SMAP1: variants seen among roughly 807,000 people sequenced by gnomAD.
SMAP1 encodes the protein stromal membrane-associated protein 1.
SMAP1 carries 24 observed loss-of-function variants against 58.5 expected under a neutral mutation model. The observed-to-expected ratio is 0.41, with a 90% CI of 0.30 to 0.58. The LOEUF (loss-of-function observed/expected upper bound fraction) is 0.58. SMAP1 is among the 20% of genes least tolerant of loss of function. SMAP1 has a pLI of 0.29. For synonymous variants in SMAP1, 216 were observed against 196.6 expected, an observed-to-expected ratio of 1.10 and a Z score of -0.82; for missense variants, 563 against 566.3, an observed-to-expected ratio of 0.99 and a Z score of 0.06.
At chr6:70,681,937 A>T (rs1766727437) in intron 1 of SMAP1, among the ~76,000 whole-genome samples, 1 of 152,156 alleles carries the variant, frequency 6.6e-6, no homozygotes, top group South Asian at 2.1e-4. Flanking sequence ...GTTCTCTAAG[A>T]AGCAAGTGTG....
At chr6:70,717,492 G>A (rs948261199) in intron 1 of SMAP1, among the ~76,000 whole-genome samples, 3 of 152,202 alleles carry the variant, frequency 2.0e-5, no homozygotes, top group African/African-American at 7.2e-5. Context: ...GTTTGGCACA[G>A]TGCACAGGGA....
intron 10 of SMAP1, 86 bp downstream of exon 10, chr6:70,858,315 T>TC: frequency 1.2e-6 from 1 of 802,196 alleles, no homozygotes; most frequent in Non-Finnish European, 1.8e-6. Flanking sequence ...TTTTTTTTTT[T>TC]AAGTCTAGTG....
intron 1 of SMAP1, among the ~76,000 whole-genome samples, chr6:70,700,132 T>C (rs1417090553): frequency 6.6e-6 from 1 of 152,078 alleles, no homozygotes; most frequent in African/African-American, 2.4e-5. Flanking sequence ...TGAGATATGA[T>C]TATTTAAAAG....
chr6:70,745,733 G>T (rs1392524067), intron 2 of SMAP1, among the ~76,000 whole-genome samples: 8 of 152,158 alleles, frequency 5.3e-5, no homozygotes, highest in Admixed American at 5.2e-4. Flanking sequence ...AGCTTGATGG[G>T]GATGGCACTG....
chr6:70,713,069 A>G (rs988331495), intron 1 of SMAP1, among the ~76,000 whole-genome samples: 1 of 152,174 alleles, frequency 6.6e-6, no homozygotes, highest in Non-Finnish European at 1.5e-5. Flanking sequence ...CTGGAATTAC[A>G]GGTGTGAGCC....
intron 5 of SMAP1, among the ~76,000 whole-genome samples, chr6:70,794,656 G>A (rs1043735884): frequency 2.0e-5 from 3 of 152,038 alleles, no homozygotes; most frequent in Admixed American, 2.0e-4. Context: ...GGGGTGTTTG[G>A]TTTTCTGTCC....
intron 2 of SMAP1, among the ~76,000 whole-genome samples, chr6:70,752,028 A>G (rs149286074): frequency 2.0e-5 from 3 of 152,314 alleles, no homozygotes; most frequent in East Asian, 1.9e-4. Context: ...TGTTTTAACA[A>G]CAGGAATGAT....
chr6:70,738,719 T>A (rs984112535), intron 2 of SMAP1, among the ~76,000 whole-genome samples: 3 of 152,162 alleles, frequency 2.0e-5, no homozygotes, highest in African/African-American at 7.2e-5. Context: ...TCAGGCCAAA[T>A]ACAGAGTGAA....
intron 6 of SMAP1, among the ~76,000 whole-genome samples, chr6:70,808,846 A>G (rs1428570035): frequency 6.6e-6 from 1 of 151,676 alleles, no homozygotes. Context: ...CTGTTAAAAC[A>G]CAAAGTCTAA....
At chr6:70,744,725 C>G (rs974494454) in intron 2 of SMAP1, among the ~76,000 whole-genome samples, 3 of 152,170 alleles carry the variant, frequency 2.0e-5, no homozygotes, top group African/African-American at 7.2e-5. Flanking sequence ...ATTTCTAGTT[C>G]TAGATCCTTG....
chr6:70,778,492 T>G (rs1277026465), intron 4 of SMAP1, among the ~76,000 whole-genome samples: 1 of 152,254 alleles, frequency 6.6e-6, no homozygotes, highest in Non-Finnish European at 1.5e-5. Context: ...TTCATTCTGT[T>G]GATGTGATGT....
chr6:70,772,370 C>T (rs1395206300), intron 3 of SMAP1, among the ~76,000 whole-genome samples: 2 of 152,094 alleles, frequency 1.3e-5, no homozygotes. Context: ...GGTAACTTTT[C>T]TTTTGACTAG....
intron 5 of SMAP1, among the ~76,000 whole-genome samples, chr6:70,792,406 A>G (rs530023884): frequency 6.8e-6 from 1 of 146,428 alleles, no homozygotes; most frequent in Non-Finnish European, 1.5e-5. Context: ...TCCCGTAGAC[A>G]TGGGATAAAT....
At chr6:70,855,025 A>G (rs971316692) in intron 8 of SMAP1, among the ~76,000 whole-genome samples, 1 of 133,786 alleles carries the variant, frequency 7.5e-6, no homozygotes, top group African/African-American at 2.8e-5. Flanking sequence ...CATTGTTGAC[A>G]TGGAGAAACC....
chr6:70,820,564 G>T (rs1450355571), intron 6 of SMAP1, among the ~76,000 whole-genome samples: 1 of 152,112 alleles, frequency 6.6e-6, no homozygotes, highest in South Asian at 2.1e-4. Flanking sequence ...AAATTAGCTG[G>T]GTGTGGTAGC....
At chr6:70,740,333 G>T (rs1211614307) in intron 2 of SMAP1, among the ~76,000 whole-genome samples, 1 of 152,112 alleles carries the variant, frequency 6.6e-6, no homozygotes, top group African/African-American at 2.4e-5. Context: ...GCCAAGGTGG[G>T]TGGATCACCT....
chr6:70,755,080 T>G lies in SMAP1; in HGVS notation c.338+15T>G. On this transcript the variant is annotated intron_variant, in intron 3 of 10. Transcript: ENST00000370455. ...CAGACAGATCAGTATCCTTTAAAACTTATTTGTTTTGAGTTTAAAAAACAT... is the reference window on the plus strand; with the variant it reads ...CAGACAGATCAGTATCCTTTAAAACGTATTTGTTTTGAGTTTAAAAAACAT... The G allele has an allele frequency of 6.3e-7, 1 of 1,578,882 alleles. No individual in the cohort carries two copies. Among genetic ancestry groups the G allele is most frequent in the Non-Finnish European group, 8.6e-7 (1 of 1,157,622 alleles).
chr6:70,680,461 A>G (rs1355822137), intron 1 of SMAP1, among the ~76,000 whole-genome samples: 2 of 152,200 alleles, frequency 1.3e-5, no homozygotes, highest in East Asian at 3.8e-4. Flanking sequence ...ATGCAACTTA[A>G]TAATAAGACA....
intron 1 of SMAP1, among the ~76,000 whole-genome samples, chr6:70,675,540 A>C (rs1477112636): frequency 2.0e-5 from 3 of 151,966 alleles, no homozygotes; most frequent in African/African-American, 7.3e-5. Context: ...AATCCCAGCT[A>C]CTGGGGAGGC....
Sources: allele counts gnomAD v4.1 joint callset (sites outside exome capture counted in the v4.1 genomes callset), GRCh38; gene constraint gnomAD v4.1.1; transcripts MANE v1.5; gene names NCBI Gene and HGNC (gene_info 2026-07-23, HGNC 2026-07-21).